Variants in NLGN1 observed in about 807,000 individuals in gnomAD.
NLGN1 encodes neuroligin-1.
A neutral mutation model predicts 65.5 loss-of-function variants in NLGN1; 12 were observed. The ratio of observed to expected loss-of-function variants is 0.18; its 90% confidence interval spans 0.12 to 0.30. The LOEUF (loss-of-function observed/expected upper bound fraction) is 0.30, where lower values mean the gene tolerates loss of function less well. Among genes scored for constraint, NLGN1 ranks in the 10% least tolerant of loss-of-function variants. The pLI is 1.00. For synonymous variants in NLGN1, 350 were observed against 359.5 expected (o/e 0.97, Z 0.30); for missense variants, 750 against 1,007.1 (o/e 0.74, Z 3.46).
chr3:174,281,314 G>A, exon 7 of NLGN1: 1 of 1,563,352 alleles, frequency 6.4e-7, no homozygotes, highest in Non-Finnish European at 8.8e-7. Context: ...CCAGATAAGA[G>A]AAACAAACTA....
intron 3 of NLGN1, among the ~76,000 whole-genome samples, chr3:173,745,992 G>T (rs567958663): frequency 3.7e-4 from 56 of 152,190 alleles, no homozygotes; most frequent in Middle Eastern, 3.4e-3. Context: ...CTACCTTAGT[G>T]TTCACTGAAT....
At chr3:173,968,133 G>A (rs1038832) in intron 4 of NLGN1, among the ~76,000 whole-genome samples, 57,268 of 151,902 alleles carry the variant, frequency 0.38, 11,397 homozygotes, top group African/African-American at 0.49. Flanking sequence ...CATTTTAAGA[G>A]TCCTACAATC....
chr3:173,719,986 C>T (rs992699242), intron 3 of NLGN1, among the ~76,000 whole-genome samples: 5 of 151,970 alleles, frequency 3.3e-5, no homozygotes, highest in Admixed American at 2.6e-4. Context: ...TGGTGGCACA[C>T]GTCTATAGTC....
intron 2 of NLGN1, among the ~76,000 whole-genome samples, chr3:173,559,667 A>G (rs1056281037): frequency 6.6e-6 from 1 of 152,198 alleles, no homozygotes; most frequent in Non-Finnish European, 1.5e-5. Context: ...ATCAAATCTC[A>G]ATTTTTAAGG....
In NLGN1 at chr3:174,272,716, G is replaced by GAT; in HGVS notation, c.647-2597_647-2596dup. 2.0e-5 allele frequency among the ~76,000 whole-genome samples: 3 copies of GAT among 150,238 alleles called. No individual in the cohort carries two copies. In the Admixed American group the frequency reaches 2.0e-4, roughly 10 times the overall value. ...ATAGATAGATAGATAGATATAGATA[G>GAT]ATAGAAAGATAGATAGATGATAGAT... On this transcript the variant is annotated intron_variant, in intron 4 of 6. Transcript: ENST00000457714.
chr3:174,252,933 G>A (rs895904204), intron 4 of NLGN1, among the ~76,000 whole-genome samples: 1 of 152,076 alleles, frequency 6.6e-6, no homozygotes, highest in African/African-American at 2.4e-5. Context: ...AGAGTGTCTG[G>A]CAAAGAATAG....
chr3:173,418,671 C>A (rs994741988), intron 1 of NLGN1, among the ~76,000 whole-genome samples: 1 of 152,084 alleles, frequency 6.6e-6, no homozygotes, highest in African/African-American at 2.4e-5. Context: ...AATCTACTGT[C>A]CATTTATTCT....
chr3:173,593,854 T>C (rs1748975724), intron 2 of NLGN1, among the ~76,000 whole-genome samples: 1 of 152,206 alleles, frequency 6.6e-6, no homozygotes, highest in Admixed American at 6.5e-5. Context: ...TCTTACATGT[T>C]GGCGGCAAGA....
At chr3:173,990,607 G>A (rs188935746) in intron 4 of NLGN1, among the ~76,000 whole-genome samples, 1 of 152,160 alleles carries the variant, frequency 6.6e-6, no homozygotes, top group Admixed American at 6.5e-5. Flanking sequence ...CCTGAAAATT[G>A]TTTATTGGCA....
chr3:173,993,920 G>C (rs1721690275), intron 4 of NLGN1, among the ~76,000 whole-genome samples: 1 of 151,058 alleles, frequency 6.6e-6, no homozygotes, highest in African/African-American at 2.4e-5. Context: ...GTATATGAGT[G>C]TGTGTGTGTG....
chr3:173,597,784 A>G (rs1039307276), intron 2 of NLGN1, among the ~76,000 whole-genome samples: 1 of 125,176 alleles, frequency 8.0e-6, no homozygotes, highest in Admixed American at 9.1e-5. Flanking sequence ...TAAAATTAAC[A>G]GTATTTTAAA....
chr3:173,810,321 A>G (rs556391350), intron 4 of NLGN1, among the ~76,000 whole-genome samples: 3 of 152,220 alleles, frequency 2.0e-5, no homozygotes, highest in African/African-American at 7.2e-5. Flanking sequence ...TTTGTCTAAC[A>G]GTAAAAAGGT....
At chr3:173,836,696 C>T (rs1723686495) in intron 4 of NLGN1, among the ~76,000 whole-genome samples, 2 of 152,174 alleles carry the variant, frequency 1.3e-5, no homozygotes, top group South Asian at 4.1e-4. Context: ...CAACTTCCAT[C>T]TCCCCCATTA....
chr3:173,914,181 GCT>G (rs1740246232), intron 4 of NLGN1, among the ~76,000 whole-genome samples: 1 of 152,126 alleles, frequency 6.6e-6, no homozygotes, highest in African/African-American at 2.4e-5. Flanking sequence ...CTAGCATGTG[GCT>G]GAGTTCCCAT....
intron 3 of NLGN1, among the ~76,000 whole-genome samples, chr3:173,723,256 A>G (rs879745431): frequency 6.6e-6 from 1 of 152,224 alleles, no homozygotes; most frequent in Admixed American, 6.5e-5. Context: ...CTTTTACTGC[A>G]TGTTATCAAA....
At chr3:173,406,420 T>TTTATGA (rs1718671640) in intron 1 of NLGN1, among the ~76,000 whole-genome samples, 1 of 151,050 alleles carries the variant, frequency 6.6e-6, no homozygotes, top group African/African-American at 2.4e-5. Context: ...TGAACCATAT[T>TTTATGA]TTATGATTCA....
At chr3:173,696,511 TCATCTGTGGCCCAATA>T (rs2149849474) in intron 3 of NLGN1, among the ~76,000 whole-genome samples, 1 of 152,256 alleles carries the variant, frequency 6.6e-6, no homozygotes, top group Non-Finnish European at 1.5e-5. Flanking sequence ...GCTGAGCCAA[TCATCTGTGGCCCAATA>T]ATGAAATCAT....
At chr3:173,947,201 T>C (rs1339685925) in intron 4 of NLGN1, among the ~76,000 whole-genome samples, 1 of 152,036 alleles carries the variant, frequency 6.6e-6, no homozygotes, top group African/African-American at 2.4e-5. Flanking sequence ...TTTGCATTTT[T>C]AGTAGAGACA....
At chr3:174,162,029 T>C (rs7618688) in intron 4 of NLGN1, among the ~76,000 whole-genome samples, 39,306 of 151,572 alleles carry the variant, frequency 0.26, 6,247 homozygotes, top group African/African-American at 0.45. Context: ...CACCATTAGC[T>C]CAACAAACAA....
Sources: allele counts gnomAD v4.1 joint callset (sites outside exome capture counted in the v4.1 genomes callset), GRCh38; gene constraint gnomAD v4.1.1; transcripts MANE v1.5; gene names NCBI Gene and HGNC (gene_info 2026-07-23, HGNC 2026-07-21).